The following ALB variants were observed in gnomAD, a reference collection of about 807,000 sequenced individuals.
The protein encoded by ALB is albumin.
A neutral mutation model predicts 74.5 loss-of-function variants in ALB; 37 were observed. That is an observed-to-expected ratio of 0.50 (90% CI 0.38 to 0.65). ALB has a LOEUF of 0.65. ALB is among the 30% of genes least tolerant of loss of function. The probability of loss-of-function intolerance (pLI) is 0.00; values close to 1 mark genes in which losing one functional copy is unlikely to be tolerated. For missense variants in ALB, 685 were observed against 718.7 expected, an observed-to-expected ratio of 0.95 and a Z score of 0.54; for synonymous variants, 249 against 251.6, an observed-to-expected ratio of 0.99 and a Z score of 0.10.
In ALB at chr4:73,406,624, T is replaced by G; in HGVS notation, c.138-5T>G. The stretch of plus-strand genomic sequence containing the variant: ...TACTACATTTTTCTACATCCTTTGT[T>G]TCAGGGTGTTGATTGCCTTTGCTCA... On this transcript the variant is annotated splice_region_variant and splice_polypyrimidine_tract_variant and intron_variant, in intron 2 of 14. Transcript: ENST00000295897. The G allele has an allele frequency of 6.2e-7, 1 of 1,613,546 alleles. No homozygotes were observed. Among genetic ancestry groups the G allele is most frequent in the Non-Finnish European group, 8.5e-7 (1 of 1,179,828 alleles).
At chr4:73,408,388 G>A (rs562155110) in intron 3 of ALB, among the ~76,000 whole-genome samples, 1 of 152,234 alleles carries the variant, frequency 6.6e-6, no homozygotes, top group Admixed American at 6.5e-5. Context: ...TTCACCATGA[G>A]TTATAGTGTG....
intron 1 of ALB, 144 bp downstream of exon 1, chr4:73,404,550 A>G: frequency 1.5e-6 from 1 of 684,338 alleles, no homozygotes; most frequent in Non-Finnish European, 2.5e-6. Context: ...AAGTCTTACA[A>G]GGTTATCTTA....
intron 8 of ALB, 151 bp from the exon 9 acceptor site, chr4:73,414,884 C>G (rs1392383755): frequency 1.1e-6 from 1 of 911,152 alleles, no homozygotes; most frequent in Non-Finnish European, 1.7e-6. Flanking sequence ...AACTTTAACT[C>G]TGGACCCCAA....
rs371428933 is a variant in ALB at position 73,412,139 on chromosome 4, G to A, written c.843+14G>A. On this transcript the variant is annotated intron_variant, in intron 7 of 14. Transcript: ENST00000295897. ...GCTGATGACAGGGTAAAGAGTCGTC[G>A]ATATGCTTTTTGGTAGCTTGCATGC... 3.5e-5 allele frequency: 57 copies of A among 1,613,656 alleles called. No homozygotes were observed. The highest frequency in any genetic ancestry group is 2.0e-4 in the Admixed American group (12 of 59,992).
chr4:73,415,929 G>A (rs1045525038), intron 9 of ALB, among the ~76,000 whole-genome samples: 1 of 152,146 alleles, frequency 6.6e-6, no homozygotes, highest in Non-Finnish European at 1.5e-5. Flanking sequence ...TATGAGATGA[G>A]TGCCATCTTT....
At chr4:73,419,255 T>G in intron 12 of ALB, 1 of 446,392 alleles carries the variant, frequency 2.2e-6, no homozygotes, top group Non-Finnish European at 4.0e-6. Context: ...CATAACGTGA[T>G]GAGTGGTTTA....
rs1369500054 is a variant in ALB at position 73,421,239 on chromosome 4, A to G, written c.*171A>G. The G allele has an allele frequency of 1.7e-6, 1 of 601,046 alleles. No homozygotes were observed. The highest frequency in any genetic ancestry group is 2.9e-6 in the Non-Finnish European group (1 of 340,226). 37.2% of individuals were successfully genotyped at this position (601,046 alleles called of 1,614,324 possible). On this transcript the variant is annotated 3_prime_UTR_variant, in exon 15 of 15. Coordinates refer to ENST00000295897, the MANE Select transcript of ALB (RefSeq NM_000477.7). ...CTTTTCTCTGTGCTTCAATTAATAA[A>G]AAATGGAAAGAATCTAATAGAGTGG...
chr4:73,409,990 T>G (rs960148042), intron 5 of ALB, among the ~76,000 whole-genome samples: 3 of 152,106 alleles, frequency 2.0e-5, no homozygotes, highest in African/African-American at 7.2e-5. Context: ...ATACACAAAA[T>G]TTAAAAATTA....
intron 14 of ALB, 131 bp downstream of exon 14, chr4:73,420,452 T>C (rs1560385679): frequency 1.9e-6 from 1 of 521,272 alleles, no homozygotes; most frequent in South Asian, 4.6e-5. Context: ...TATGTAAATA[T>C]TAGCTTTTAA....
Position 73,416,318 on chromosome 4 carries a change from T to G in ALB, c.1254T>G (p.Leu418=). The G allele has an allele frequency of 6.2e-7, 1 of 1,613,716 alleles. No homozygotes were observed. Among genetic ancestry groups the G allele is most frequent in the Non-Finnish European group, 8.5e-7 (1 of 1,179,778 alleles). ...PQNLIKQNCE[L]FEQLGEYKFQ... Reference sequence around the variant, plus strand: ...ATTTAATCAAACAAAATTGTGAGCTTTTTGAGCAGCTTGGAGAGTACAAAT... The same window carrying G: ...ATTTAATCAAACAAAATTGTGAGCTGTTTGAGCAGCTTGGAGAGTACAAAT... The change falls in exon 10 of 15, where the codon CTT becomes CTG. Residue 418 remains leucine, a synonymous_variant. Transcript: ENST00000295897.
At chr4:73,404,934 C>G (rs774433142) in intron 1 of ALB, 182 bp from the exon 2 acceptor site, 6 of 631,400 alleles carry the variant, frequency 9.5e-6, no homozygotes, top group African/African-American at 1.9e-5. Context: ...TTGAATTATT[C>G]TTCTGTTTAA....
Position 73,419,754 on chromosome 4 carries a change from C to T in ALB, c.1785+115C>T, listed in dbSNP as rs553962968. 1.1e-5 allele frequency: 14 copies of T among 1,265,512 alleles called. No homozygotes were observed. The East Asian group carries it at 2.6e-4, about 23-fold the overall frequency. The allele number at this position is 1,265,512 out of a possible 1,614,324, so 78.4% of individuals were successfully genotyped here. A position where few individuals can be genotyped will look rare whatever the true frequency, so the allele number is the denominator to read the frequency against. On this transcript the variant is annotated intron_variant, in intron 13 of 14. Coordinates refer to ENST00000295897, the MANE Select transcript of ALB (RefSeq NM_000477.7). ...GGCTTTGTACATGTGGGACAGGGAT[C>T]TTATTTTACAAACAATTGTCTTACA... is the stretch of plus-strand genomic sequence containing the variant.
chr4:73,417,951 C>A lies in ALB; in HGVS notation c.1429-137C>A. The A allele has an allele frequency of 3.5e-6, 3 of 855,166 alleles. No individual in the cohort carries two copies. The South Asian group carries it at 4.4e-5, about 12-fold the overall frequency. 53.0% of individuals were successfully genotyped at this position (855,166 alleles called of 1,614,324 possible). ...GCAACCTCCGCCTCCCAGGTTCAAGCCATTCTCCTGCCTCAGCCTCCCAAG... is the reference window on the plus strand; with the variant it reads ...GCAACCTCCGCCTCCCAGGTTCAAGACATTCTCCTGCCTCAGCCTCCCAAG... On this transcript the variant is annotated intron_variant, in intron 11 of 14. Coordinates refer to ENST00000295897, the MANE Select transcript of ALB (RefSeq NM_000477.7).
In ALB at chr4:73,410,293, A is replaced by C. The variant is rs1325288237; in HGVS notation, c.616-19A>C. 5 of 1,601,328 alleles carry C rather than the reference A, an allele frequency of 3.1e-6. No individual in the cohort carries two copies. The East Asian group carries it at 8.9e-5, about 29-fold the overall frequency. On this transcript the variant is annotated intron_variant, in intron 5 of 14. Transcript: ENST00000295897. The stretch of plus-strand genomic sequence containing the variant: ...TAGAATTTTTCTTCTAATTTTCATC[A>C]AATTATTCCTTTTTGTAGCTCGATG...
At chr4:73,420,106 G>A (rs2236767) in intron 13 of ALB, 148 bp from the exon 14 acceptor site, 313,051 of 755,368 alleles carry the variant, frequency 0.41, 66,174 homozygotes, top group Admixed American at 0.54. Flanking sequence ...GTGAGCTTCC[G>A]TCCAGAGATT....
rs1719109092 is a variant in ALB, at chr4:73,420,160, A to G, written c.1786-94A>G. The G allele has an allele frequency of 4.5e-6, 5 of 1,104,126 alleles. No homozygotes were observed. The South Asian group carries it at 6.6e-5, about 14-fold the overall frequency. The allele number at this position is 1,104,126 out of a possible 1,614,324, so 68.4% of individuals were successfully genotyped here. ...TAAAGGATATGATGCACGTGAAATC[A>G]CTTTGCAATCATCAATAGCTTCATA... is the stretch of plus-strand genomic sequence containing the variant. On this transcript the variant is annotated intron_variant, in intron 13 of 14. Transcript: ENST00000295897.
At chr4:73,411,754 T>C (rs956636783) in intron 6 of ALB, among the ~76,000 whole-genome samples, 3 of 152,086 alleles carry the variant, frequency 2.0e-5, no homozygotes, top group African/African-American at 4.8e-5. Context: ...CCTTTTAGAG[T>C]TCCTTTTTAA....
Position 73,417,546 on chromosome 4 carries a change from C to T in ALB, c.1305C>T (p.Tyr435=), listed in dbSNP as rs554295785. 2.5e-5 allele frequency: 41 copies of T among 1,613,950 alleles called. 1 individual carries two copies. The South Asian group carries it at 4.0e-4, about 16-fold the overall frequency. Reference sequence around the variant, plus strand: ...TTTTTTTCAGGCTATTAGTTCGTTACACCAAGAAAGTACCCCAAGTGTCAA... The same window carrying T: ...TTTTTTTCAGGCTATTAGTTCGTTATACCAAGAAAGTACCCCAAGTGTCAA... ...YKFQNALLVR[Y]TKKVPQVSTP... Residue 435 remains tyrosine (Y), a synonymous_variant, in exon 11 of 15, where the codon TAC becomes TAT. Coordinates refer to ENST00000295897, the MANE Select transcript of ALB (RefSeq NM_000477.7).
chr4:73,417,406 T>A, intron 10 of ALB, 125 bp from the exon 11 acceptor site: 1 of 1,244,724 alleles, frequency 8.0e-7, no homozygotes, highest in South Asian at 1.2e-5. Flanking sequence ...ACTCTGCAGA[T>A]GGAGATAATA....
Sources: gnomAD v4.1 joint callset for allele counts (sites outside exome capture counted in the v4.1 genomes callset) on GRCh38, gnomAD v4.1.1 for gene constraint, MANE v1.5 for transcripts, NCBI Gene and HGNC (gene_info 2026-07-23, HGNC 2026-07-21) for gene names.